The following EYS variants were observed in gnomAD, a reference collection of about 807,000 sequenced individuals.
EYS encodes EGF-like photoreceptor maintenance factor, also known as protein eyes shut homolog.
EYS carries 250 observed loss-of-function variants against 282.1 expected under a neutral mutation model. The ratio of observed to expected loss-of-function variants is 0.89; its 90% CI spans 0.80 to 0.98. The LOEUF is 0.98. EYS is among the 50% of genes least tolerant of loss of function. EYS has a pLI of 0.00. For missense variants in EYS, 4,016 were observed against 3,709.0 expected (o/e 1.08, Z -2.15); for synonymous variants, 1,355 against 1,282.9 (o/e 1.06, Z -1.20).
intron 2 of EYS, among the ~76,000 whole-genome samples, chr6:65,533,937 T>C (rs1034720922): frequency 6.6e-6 from 1 of 152,112 alleles, no homozygotes; most frequent in African/African-American, 2.4e-5. Context: ...TCTCAACTCA[T>C]TGGCATGGGT....
intron 35 of EYS, among the ~76,000 whole-genome samples, chr6:63,936,557 T>C (rs1189779645): frequency 1.3e-5 from 2 of 152,220 alleles, no homozygotes; most frequent in Non-Finnish European, 2.9e-5. Flanking sequence ...GCAGGCAATG[T>C]CCAGGCATGA....
rs75793277 is a variant in EYS, at chr6:64,709,061, A to G, written c.3444-82816T>C. Among the ~76,000 whole-genome samples the G allele has an allele frequency of 2.4e-4, 37 of 151,940 alleles. No individual in the cohort carries two copies. In the East Asian group the frequency reaches 6.8e-3, roughly 28 times the overall value. ...ACAGCAGTAAGTAATGTACTAAATT[A>G]TCTATGTGCAATGGAAAATACAGAT... On this transcript the variant is annotated intron_variant, in intron 22 of 42. Coordinates refer to ENST00000503581, the MANE Select transcript of EYS (RefSeq NM_001142800.2).
chr6:64,276,975 T>C (rs111456216), intron 30 of EYS, among the ~76,000 whole-genome samples: 1,575 of 152,262 alleles, frequency 0.01, 30 homozygotes, highest in African/African-American at 0.036. Context: ...ATATGACAGC[T>C]AATTTATTGA....
intron 22 of EYS, among the ~76,000 whole-genome samples, chr6:64,804,178 T>A (rs991041331): frequency 1.3e-5 from 2 of 152,238 alleles, no homozygotes; most frequent in Admixed American, 6.5e-5. Context: ...CATCAAATTT[T>A]GCTTTGAGAC....
intron 31 of EYS, among the ~76,000 whole-genome samples, chr6:64,138,691 T>C (rs1027744759): frequency 6.6e-6 from 1 of 152,132 alleles, no homozygotes; most frequent in African/African-American, 2.4e-5. Context: ...ATAAAAAGCA[T>C]CCTCATAATT....
At chr6:64,239,430 T>A (rs1229326423) in intron 30 of EYS, among the ~76,000 whole-genome samples, 2 of 152,202 alleles carry the variant, frequency 1.3e-5, no homozygotes, top group Non-Finnish European at 2.9e-5. Flanking sequence ...TTCCTGACTT[T>A]TTAAAGATTG....
chr6:64,294,933 T>C (rs1247780513), intron 30 of EYS, among the ~76,000 whole-genome samples: 2 of 152,186 alleles, frequency 1.3e-5, no homozygotes, highest in Admixed American at 1.3e-4. Context: ...AGTAAGATGA[T>C]TGCCTCAAGG....
At chr6:65,636,227 T>C (rs1204548820) in intron 2 of EYS, among the ~76,000 whole-genome samples, 2 of 152,228 alleles carry the variant, frequency 1.3e-5, no homozygotes, top group East Asian at 3.8e-4. Context: ...CTGTCTTTCT[T>C]AAACAGAAGC....
At chr6:65,299,116 C>T (rs530652099) in intron 11 of EYS, among the ~76,000 whole-genome samples, 26 of 152,060 alleles carry the variant, frequency 1.7e-4, no homozygotes, top group Middle Eastern at 3.4e-3. Context: ...TTCAGAATGC[C>T]GGGCTTCCCA....
At chr6:64,613,160 A>T (rs1490345129) in intron 24 of EYS, among the ~76,000 whole-genome samples, 2 of 152,080 alleles carry the variant, frequency 1.3e-5, no homozygotes, top group East Asian at 3.9e-4. Context: ...TTAATTTTTA[A>T]TTTTTTACAT....
At chr6:64,793,050 T>C (rs1005381131) in intron 22 of EYS, among the ~76,000 whole-genome samples, 1 of 152,118 alleles carries the variant, frequency 6.6e-6, no homozygotes, top group African/African-American at 2.4e-5. Flanking sequence ...AGCTAATTAA[T>C]GAGTCAGAAT....
chr6:65,257,858 G>A (rs899704639), intron 12 of EYS, among the ~76,000 whole-genome samples: 5 of 152,000 alleles, frequency 3.3e-5, no homozygotes, highest in African/African-American at 1.2e-4. Flanking sequence ...AAGGGTTGCA[G>A]GGAAGGAGAA....
chr6:64,687,635 A>G (rs1281580987), intron 22 of EYS, among the ~76,000 whole-genome samples: 1 of 152,202 alleles, frequency 6.6e-6, no homozygotes, highest in Non-Finnish European at 1.5e-5. Context: ...TATTTTATTG[A>G]GGATTTTTGC....
intron 5 of EYS, among the ~76,000 whole-genome samples, chr6:65,481,854 G>A (rs1156275359): frequency 6.6e-6 from 1 of 152,162 alleles, no homozygotes; most frequent in Non-Finnish European, 1.5e-5. Context: ...ACAGGCGTGA[G>A]CCACTGCGCC....
intron 22 of EYS, among the ~76,000 whole-genome samples, chr6:64,686,853 A>ACGTATATATATATACG (rs1279566533): frequency 2.0e-4 from 4 of 19,594 alleles, no homozygotes; most frequent in Non-Finnish European, 3.4e-4. Context: ...ATATATATAT[A>ACGTATATATATATACG]TGTGTATATA....
rs535807374 is a variant in EYS at position 65,055,827 on chromosome 6, G to C, written c.2137+1787C>G. Among the ~76,000 whole-genome samples the C allele has an allele frequency of 8.5e-5, 13 of 152,140 alleles. No individual in the cohort carries two copies. In the South Asian group the frequency reaches 2.7e-3, roughly 32 times the overall value. The stretch of plus-strand genomic sequence containing the variant: ...AAAAGTTTAGGTTATTAACACGGCT[G>C]TGTATGTTGATGTTAACCTTGGTCC... On this transcript the variant is annotated intron_variant, in intron 13 of 42. Coordinates refer to ENST00000503581, the MANE Select transcript of EYS (RefSeq NM_001142800.2).
At chr6:65,513,510 T>A (rs1342074267) in intron 2 of EYS, among the ~76,000 whole-genome samples, 2 of 152,010 alleles carry the variant, frequency 1.3e-5, no homozygotes, top group Non-Finnish European at 2.9e-5. Flanking sequence ...TAGACCAATA[T>A]CCTTGATGAA....
chr6:63,783,143 G>C (rs1770278400), intron 39 of EYS, among the ~76,000 whole-genome samples: 1 of 152,138 alleles, frequency 6.6e-6, no homozygotes, highest in Non-Finnish European at 1.5e-5. Flanking sequence ...TTACAGGGTT[G>C]TTAATAAATC....
At chr6:64,690,528 C>T (rs72884538) in intron 22 of EYS, among the ~76,000 whole-genome samples, 2,361 of 152,234 alleles carry the variant, frequency 0.016, 30 homozygotes, top group East Asian at 0.021. Flanking sequence ...CACAGGCATG[C>T]GCTTGTTTAT....
Sources: allele counts gnomAD v4.1 joint callset (sites outside exome capture counted in the v4.1 genomes callset), GRCh38; gene constraint gnomAD v4.1.1; transcripts MANE v1.5; gene names NCBI Gene and HGNC (gene_info 2026-07-23, HGNC 2026-07-21).